Variants in FRMPD4 observed in about 807,000 individuals in gnomAD.
FRMPD4 encodes the protein FERM and PDZ domain-containing protein 4.
A neutral mutation model predicts 94.1 loss-of-function variants in FRMPD4; 22 were observed. The observed-to-expected ratio is 0.23, with a 90% CI of 0.17 to 0.33. FRMPD4 has a LOEUF of 0.33. Among genes scored for constraint, FRMPD4 ranks in the 10% least tolerant of loss-of-function variants. The probability of loss-of-function intolerance (pLI) is 1.00; values close to 1 mark genes in which losing one functional copy is unlikely to be tolerated. For synonymous variants in FRMPD4, 631 were observed against 548.6 expected (o/e 1.15, Z -2.10); for missense variants, 1,111 against 1,339.9 (o/e 0.83, Z 2.67).
At chrX:12,522,307 G>T (rs1247865312) in intron 2 of FRMPD4, among the ~76,000 whole-genome samples, 1 of 111,274 alleles carries the variant, frequency 9.0e-6, no homozygotes, top group Admixed American at 9.5e-5. Context: ...ACTGGCCGGG[G>T]TCTGAGGTGA....
At chrX:11,879,108 G>T (rs939528695) in intron 3 of FRMPD4, among the ~76,000 whole-genome samples, 4 of 112,173 alleles carry the variant, frequency 3.6e-5, no homozygotes, top group African/African-American at 1.3e-4. Flanking sequence ...TCACTGTAAG[G>T]TAGATTTAGA....
At chrX:12,607,946 A>G (rs147532402) in intron 2 of FRMPD4, among the ~76,000 whole-genome samples, 8,171 of 112,302 alleles carry the variant, frequency 0.073, 245 homozygotes, top group East Asian at 0.16. Flanking sequence ...CAGAAAGACA[A>G]CAGGATTCCT....
intron 3 of FRMPD4, among the ~76,000 whole-genome samples, chrX:11,886,616 T>C (rs1347658449): frequency 1.8e-5 from 2 of 111,528 alleles, no homozygotes; most frequent in Non-Finnish European, 3.8e-5. Context: ...AAATTCTGTG[T>C]ATTTAATGTG....
At chrX:12,398,515 G>A (rs961004856) in intron 1 of FRMPD4, among the ~76,000 whole-genome samples, 3 of 111,291 alleles carry the variant, frequency 2.7e-5, no homozygotes, top group African/African-American at 9.8e-5. Context: ...TAGGTTCTGG[G>A]TGAGGAGTTT....
intron 3 of FRMPD4, among the ~76,000 whole-genome samples, chrX:12,116,656 TA>T (rs1218271341): frequency 8.9e-6 from 1 of 111,852 alleles, no homozygotes; most frequent in Non-Finnish European, 1.9e-5. Context: ...TGATGGAGCG[TA>T]ATTTTCTCAT....
chrX:12,409,816 C>A (rs73192426), intron 1 of FRMPD4, among the ~76,000 whole-genome samples: 34,243 of 110,494 alleles, frequency 0.31, 4,208 homozygotes, highest in Non-Finnish European at 0.36. Flanking sequence ...ATGACATTTC[C>A]GTTACTGTTC....
chrX:12,149,374 G>A (rs1324502850), intron 1 of FRMPD4: 4 of 112,067 alleles, frequency 3.6e-5, no homozygotes, highest in African/African-American at 1.3e-4. Flanking sequence ...ATGACTTATG[G>A]GAGGATGTCA....
chrX:12,260,651 A>T (rs1331740430), intron 1 of FRMPD4, among the ~76,000 whole-genome samples: 1 of 112,194 alleles, frequency 8.9e-6, no homozygotes, highest in East Asian at 2.8e-4. Flanking sequence ...TTCACTTATC[A>T]GTGACTTCCT....
chrX:11,984,088 T>A (rs2054412940), intron 3 of FRMPD4, among the ~76,000 whole-genome samples: 1 of 112,187 alleles, frequency 8.9e-6, no homozygotes, highest in African/African-American at 3.2e-5. Context: ...TGATTTCCTA[T>A]CAAAACTCTC....
At chrX:11,926,878 A>G (rs1050408418) in intron 3 of FRMPD4, among the ~76,000 whole-genome samples, 1 of 111,555 alleles carries the variant, frequency 9.0e-6, no homozygotes, top group East Asian at 2.8e-4. Context: ...TATTCAGCAT[A>G]GTATTGGAAG....
At chrX:12,309,138 A>T (rs766372071) in intron 1 of FRMPD4, among the ~76,000 whole-genome samples, 1 of 112,222 alleles carries the variant, frequency 8.9e-6, no homozygotes, top group Non-Finnish European at 1.9e-5. Flanking sequence ...TAAACAAGTG[A>T]ATATGGCTGG....
chrX:11,848,578 G>C (rs936604752), intron 1 of FRMPD4, among the ~76,000 whole-genome samples: 8 of 108,871 alleles, frequency 7.3e-5, no homozygotes, highest in Non-Finnish European at 1.5e-4. Context: ...TTCATCCAGG[G>C]ATATGTGGGT....
At chrX:12,287,652 A>C (rs2054621836) in intron 1 of FRMPD4, among the ~76,000 whole-genome samples, 1 of 111,981 alleles carries the variant, frequency 8.9e-6, no homozygotes, top group Non-Finnish European at 1.9e-5. Flanking sequence ...TGTTGAGTTG[A>C]GACCAAGTGT....
rs188164312 is a variant in FRMPD4 at position 11,892,725 on chromosome X, C to T, written c.95+14707C>T. Among the ~76,000 whole-genome samples, 20 of 112,101 alleles carry T rather than the reference C, an allele frequency of 1.8e-4. 1 individual carries two copies. In the East Asian group the frequency reaches 5.6e-3, roughly 31 times the overall value. ...GGGGTCTGCTGCTTTTGGTCAGAGTCTGAGAGAGGCCAGCAAGGAATAGAT... is the reference window on the plus strand; with the variant it reads ...GGGGTCTGCTGCTTTTGGTCAGAGTTTGAGAGAGGCCAGCAAGGAATAGAT... On this transcript the variant is annotated intron_variant, in intron 3 of 18. Transcript: ENST00000640291.
At chrX:12,076,675 T>A (rs758646026) in intron 3 of FRMPD4, among the ~76,000 whole-genome samples, 1 of 110,952 alleles carries the variant, frequency 9.0e-6, no homozygotes, top group Non-Finnish European at 1.9e-5. Context: ...TTGAAGGCAC[T>A]CTGATTTCCC....
At chrX:12,365,493 G>A (rs182311715) in intron 1 of FRMPD4, among the ~76,000 whole-genome samples, 11 of 111,830 alleles carry the variant, frequency 9.8e-5, no homozygotes, top group Non-Finnish European at 1.9e-4. Context: ...CTTATCATCA[G>A]CACCCTTGGC....
At chrX:11,970,182 C>G (rs1280914215) in intron 3 of FRMPD4, among the ~76,000 whole-genome samples, 1 of 112,115 alleles carries the variant, frequency 8.9e-6, no homozygotes, top group Non-Finnish European at 1.9e-5. Context: ...TCTGCATTTC[C>G]TTTTCAACTC....
At chrX:12,322,998 T>A (rs1163857595) in intron 1 of FRMPD4, among the ~76,000 whole-genome samples, 1 of 112,138 alleles carries the variant, frequency 8.9e-6, no homozygotes, top group Non-Finnish European at 1.9e-5. Context: ...TAAAGTTTGA[T>A]GAACTATGCT....
At chrX:12,575,314 CTTTTT>C (rs35769840) in intron 2 of FRMPD4, among the ~76,000 whole-genome samples, 1 of 98,095 alleles carries the variant, frequency 1.0e-5, no homozygotes. Flanking sequence ...AAGTAAAGGT[CTTTTT>C]TTTTTTTTTC....
Sources: allele counts gnomAD v4.1 joint callset (sites outside exome capture counted in the v4.1 genomes callset), GRCh38; gene constraint gnomAD v4.1.1; transcripts MANE v1.5; gene names NCBI Gene and HGNC (gene_info 2026-07-23, HGNC 2026-07-21).